RARB: variants seen among roughly 807,000 people sequenced by gnomAD.
RARB encodes the protein retinoic acid receptor beta.
RARB carries 17 observed loss-of-function variants against 51.9 expected under a neutral mutation model. The ratio of observed to expected loss-of-function variants is 0.33; its 90% confidence interval spans 0.22 to 0.49. The LOEUF (loss-of-function observed/expected upper bound fraction) is 0.49, where lower values mean the gene tolerates loss of function less well. RARB is among the 20% of genes least tolerant of loss of function. The pLI, the probability that RARB is intolerant of heterozygous loss-of-function variation, is 0.99. For synonymous variants in RARB, 215 were observed against 195.4 expected, an observed-to-expected ratio of 1.10 and a Z score of -0.84; for missense variants, 369 against 550.8, an observed-to-expected ratio of 0.67 and a Z score of 3.30.
chr3:25,174,593 T>A (rs376514941), intron 5 of RARB: 2 of 1,351,628 alleles, frequency 1.5e-6, no homozygotes, highest in East Asian at 9.1e-5. Flanking sequence ...CTGCTGGAAT[T>A]TGCTCTCTTT....
chr3:25,149,986 G>A (rs1700256752), intron 4 of RARB, among the ~76,000 whole-genome samples: 1 of 152,104 alleles, frequency 6.6e-6, no homozygotes, highest in Non-Finnish European at 1.5e-5. Flanking sequence ...TGGATCACCT[G>A]AGGTCAGGAG....
intron 2 of RARB, among the ~76,000 whole-genome samples, chr3:25,034,508 A>G (rs116602499): frequency 0.014 from 2,170 of 152,358 alleles, 29 homozygotes; most frequent in South Asian, 0.049. Flanking sequence ...AGGCAGAAGA[A>G]GATGGCTGCA....
At chr3:24,830,420 CGTGTGTGTGT>C (rs59434163) in intron 1 of RARB, among the ~76,000 whole-genome samples, 2 of 121,400 alleles carry the variant, frequency 1.6e-5, no homozygotes, top group Non-Finnish European at 3.3e-5. Flanking sequence ...TGACAGAAGA[CGTGTGTGTGT>C]GTGTGTGTGT....
intron 2 of RARB, among the ~76,000 whole-genome samples, chr3:24,861,984 A>G (rs1702757269): frequency 6.6e-6 from 1 of 152,196 alleles, no homozygotes; most frequent in African/African-American, 2.4e-5. Context: ...CTGACCAGGC[A>G]CAAACTTCTC....
chr3:24,840,700 G>A (rs1466343346), intron 1 of RARB, among the ~76,000 whole-genome samples: 1 of 140,974 alleles, frequency 7.1e-6, no homozygotes, highest in African/African-American at 2.7e-5. Context: ...ATTTGCTGTT[G>A]CCCCTACAGA....
chr3:25,346,230 T>C (rs1242103446), intron 5 of RARB, among the ~76,000 whole-genome samples: 1 of 152,206 alleles, frequency 6.6e-6, no homozygotes, highest in East Asian at 1.9e-4. Flanking sequence ...AATCTGGATC[T>C]TATTAGAGCA....
At chr3:24,845,885 G>A (rs377399839) in intron 1 of RARB, among the ~76,000 whole-genome samples, 1 of 152,170 alleles carries the variant, frequency 6.6e-6, no homozygotes. Context: ...ATTATTTGGG[G>A]TGATTACCAT....
At chr3:25,368,557 G>C (rs1024047370) in intron 5 of RARB, among the ~76,000 whole-genome samples, 11 of 152,156 alleles carry the variant, frequency 7.2e-5, no homozygotes, top group Admixed American at 7.2e-4. Context: ...AATGAAAGAG[G>C]TGGCAATGTG....
intron 2 of RARB, among the ~76,000 whole-genome samples, chr3:24,975,310 G>A (rs1255449498): frequency 6.6e-6 from 1 of 151,902 alleles, no homozygotes; most frequent in East Asian, 1.9e-4. Flanking sequence ...TAACACTACT[G>A]TTTTTTTGGT....
chr3:24,953,069 A>G (rs1695932987), intron 2 of RARB, among the ~76,000 whole-genome samples: 1 of 152,154 alleles, frequency 6.6e-6, no homozygotes, highest in Non-Finnish European at 1.5e-5. Context: ...TAGCTGTTAT[A>G]TCTTCTAGGG....
intron 3 of RARB, among the ~76,000 whole-genome samples, chr3:25,081,008 T>C (rs561298635): frequency 6.6e-6 from 1 of 152,272 alleles, no homozygotes; most frequent in African/African-American, 2.4e-5. Flanking sequence ...CTGATCTCTT[T>C]TACTTTATTA....
intron 4 of RARB, among the ~76,000 whole-genome samples, chr3:25,160,542 C>A (rs921409591): frequency 1.1e-4 from 16 of 152,276 alleles, no homozygotes; most frequent in Admixed American, 2.6e-4. Flanking sequence ...ACAACAACAA[C>A]AAAAAACCTG....
At chr3:24,842,071 G>A (rs1002879605) in intron 1 of RARB, among the ~76,000 whole-genome samples, 1 of 152,146 alleles carries the variant, frequency 6.6e-6, no homozygotes, top group African/African-American at 2.4e-5. Flanking sequence ...TTGTTGGTTC[G>A]ATTTTCTATT....
chr3:24,862,646 C>T (rs555195894), intron 2 of RARB, among the ~76,000 whole-genome samples: 1 of 152,170 alleles, frequency 6.6e-6, no homozygotes, highest in African/African-American at 2.4e-5. Context: ...TTATAGGTTA[C>T]AAAAACATAG....
intron 5 of RARB, among the ~76,000 whole-genome samples, chr3:25,298,393 G>T (rs536105847): frequency 6.6e-6 from 1 of 151,988 alleles, no homozygotes; most frequent in Admixed American, 6.6e-5. Flanking sequence ...TGTTGGTCAG[G>T]CTGGTCTCCA....
intron 2 of RARB, among the ~76,000 whole-genome samples, chr3:24,967,482 T>C (rs1425095792): frequency 2.0e-5 from 3 of 152,142 alleles, no homozygotes; most frequent in African/African-American, 4.8e-5. Flanking sequence ...GTTCCTTCCC[T>C]CTTCATCTCT....
At chr3:25,376,469 A>G (rs992320091) in intron 5 of RARB, among the ~76,000 whole-genome samples, 4 of 152,116 alleles carry the variant, frequency 2.6e-5, no homozygotes, top group African/African-American at 9.7e-5. Flanking sequence ...TCTTGACGTT[A>G]CCTCATAACC....
At chr3:25,170,733 A>T (rs901310648) in intron 4 of RARB, among the ~76,000 whole-genome samples, 1 of 152,198 alleles carries the variant, frequency 6.6e-6, no homozygotes, top group African/African-American at 2.4e-5. Flanking sequence ...ATAGAACAAA[A>T]ATAATTGTGG....
chr3:24,852,361 C>G (rs1229668827), intron 1 of RARB, among the ~76,000 whole-genome samples: 2 of 152,164 alleles, frequency 1.3e-5, no homozygotes, highest in African/African-American at 2.4e-5. Flanking sequence ...ATCAGAAACT[C>G]TGGAGGTCCA....
Sources: allele counts gnomAD v4.1 joint callset (sites outside exome capture counted in the v4.1 genomes callset), GRCh38; gene constraint gnomAD v4.1.1; transcripts MANE v1.5; gene names NCBI Gene and HGNC (gene_info 2026-07-23, HGNC 2026-07-21).